EYS: variants seen among roughly 807,000 people sequenced by gnomAD.
The protein encoded by EYS is protein eyes shut homolog.
A neutral mutation model predicts 282.1 loss-of-function variants in EYS; 250 were observed. The observed-to-expected ratio is 0.89, with a 90% CI of 0.80 to 0.98. The LOEUF is 0.98. EYS is among the 50% of genes least tolerant of loss of function. The pLI is 0.00. For missense variants in EYS, 4,016 were observed against 3,709.0 expected (o/e 1.08, Z -2.15); for synonymous variants, 1,355 against 1,282.9 (o/e 1.06, Z -1.20).
At chr6:64,597,140 A>T (rs1255821345) in intron 24 of EYS, among the ~76,000 whole-genome samples, 2 of 152,206 alleles carry the variant, frequency 1.3e-5, no homozygotes, top group Non-Finnish European at 2.9e-5. Context: ...ATCATCAGAG[A>T]AAGGCCAATT....
At chr6:65,486,692 A>T (rs993904862) in intron 5 of EYS, among the ~76,000 whole-genome samples, 1 of 152,224 alleles carries the variant, frequency 6.6e-6, no homozygotes, top group South Asian at 2.1e-4. Context: ...ATAAACTTAC[A>T]TACTAGAGCA....
At chr6:63,799,392 C>T (rs1165819236) in intron 37 of EYS, among the ~76,000 whole-genome samples, 1 of 152,002 alleles carries the variant, frequency 6.6e-6, no homozygotes, top group East Asian at 1.9e-4. Context: ...TTCAATGATT[C>T]AAACAGTGCT....
At chr6:64,975,603 G>T (rs1204121032) in intron 14 of EYS, among the ~76,000 whole-genome samples, 3 of 151,644 alleles carry the variant, frequency 2.0e-5, no homozygotes, top group African/African-American at 4.8e-5. Flanking sequence ...GTGACCATTT[G>T]TTTCAAATAT....
Position 64,896,278 on chromosome 6 carries a change from G to A in EYS, c.2846+5835C>T, listed in dbSNP as rs370579664. 1.4e-4 allele frequency among the ~76,000 whole-genome samples: 21 copies of A among 152,170 alleles called. No individual in the cohort carries two copies. The South Asian group carries it at 2.3e-3, about 17-fold the overall frequency. On this transcript the variant is annotated intron_variant, in intron 18 of 42. Coordinates refer to ENST00000503581, the MANE Select transcript of EYS (RefSeq NM_001142800.2). ...TGGTTAGACAGTGGGTACAGCCCAC[G>A]GAGGGCAAGCAGATGCAGGGTGGGG...
In EYS at chr6:64,886,844, T is replaced by A; in HGVS notation, c.2847-2A>T. 6.7e-7 allele frequency: 1 copy of A among 1,495,066 alleles called. No individual in the cohort carries two copies. Among genetic ancestry groups the A allele is most frequent in the East Asian group, 2.6e-5 (1 of 38,990 alleles). 92.6% of individuals were successfully genotyped at this position (1,495,066 alleles called of 1,614,324 possible). ...TCAGGTTCACAATTACAAAAAAATC[T>A]GGAGAAAAGTGGAGAAATGAGGAAT... On this transcript the variant is annotated splice_acceptor_variant, in intron 18 of 42. Coordinates refer to ENST00000503581, the MANE Select transcript of EYS (RefSeq NM_001142800.2). LOFTEE classifies it high-confidence loss of function.
At chr6:64,883,734 A>G (rs765447291) in intron 19 of EYS, among the ~76,000 whole-genome samples, 1 of 151,570 alleles carries the variant, frequency 6.6e-6, no homozygotes, top group African/African-American at 2.4e-5. Context: ...CTACTGATAA[A>G]CTGATTTATA....
At chr6:65,078,729 T>C (rs905948781) in intron 12 of EYS, among the ~76,000 whole-genome samples, 1 of 151,902 alleles carries the variant, frequency 6.6e-6, no homozygotes, top group Non-Finnish European at 1.5e-5. Flanking sequence ...ATTAAAATAG[T>C]TTGGTTATTT....
chr6:64,898,765 C>T (rs1395291896), intron 18 of EYS, among the ~76,000 whole-genome samples: 2 of 149,422 alleles, frequency 1.3e-5, no homozygotes, highest in Non-Finnish European at 3.0e-5. Context: ...GAATATTTAC[C>T]AACAAATGGA....
chr6:64,366,524 A>C (rs1772185460), intron 29 of EYS, among the ~76,000 whole-genome samples: 1 of 152,024 alleles, frequency 6.6e-6, no homozygotes, highest in Non-Finnish European at 1.5e-5. Flanking sequence ...CAAACAATTT[A>C]TTTTCTGTAC....
chr6:65,128,625 A>C (rs1490510870), intron 12 of EYS, among the ~76,000 whole-genome samples: 1 of 152,060 alleles, frequency 6.6e-6, no homozygotes, highest in East Asian at 1.9e-4. Flanking sequence ...AAGGAAGAGA[A>C]AGAGCTCTTC....
At chr6:63,873,797 G>T (rs935406680) in intron 35 of EYS, among the ~76,000 whole-genome samples, 1 of 152,118 alleles carries the variant, frequency 6.6e-6, no homozygotes, top group Non-Finnish European at 1.5e-5. Context: ...GTCTTCTTTT[G>T]AGAAGTGTCT....
intron 29 of EYS, among the ~76,000 whole-genome samples, chr6:64,347,315 T>G (rs1032272777): frequency 7.3e-5 from 11 of 151,452 alleles, no homozygotes; most frequent in South Asian, 4.1e-4. Context: ...ATATATGATA[T>G]TAAGAAATTA....
At chr6:64,743,500 T>C (rs1031268332) in intron 22 of EYS, among the ~76,000 whole-genome samples, 1 of 152,148 alleles carries the variant, frequency 6.6e-6, no homozygotes, top group Non-Finnish European at 1.5e-5. Context: ...AAGAGCATTC[T>C]TAACTATTGA....
At chr6:65,266,863 TA>T (rs1230138184) in intron 12 of EYS, among the ~76,000 whole-genome samples, 1 of 148,916 alleles carries the variant, frequency 6.7e-6, no homozygotes, top group Admixed American at 6.8e-5. Context: ...ATAGTTGTTA[TA>T]AATACACATC....
At chr6:64,652,420 A>C (rs1237876563) in intron 22 of EYS, among the ~76,000 whole-genome samples, 1 of 152,196 alleles carries the variant, frequency 6.6e-6, no homozygotes, top group African/African-American at 2.4e-5. Flanking sequence ...GATGCATCTA[A>C]GAGCTGAAAG....
chr6:64,596,312 G>T (rs1442659090), intron 24 of EYS, among the ~76,000 whole-genome samples: 1 of 152,046 alleles, frequency 6.6e-6, no homozygotes, highest in Non-Finnish European at 1.5e-5. Context: ...CAGATTCAAA[G>T]AAATCTCTAT....
rs566731447 is a variant in EYS, at chr6:65,438,951, C to A, written c.863-33584G>T. Among the ~76,000 whole-genome samples, 3 of 152,012 alleles carry A rather than the reference C, an allele frequency of 2.0e-5. No individual in the cohort carries two copies. The South Asian group carries it at 6.2e-4, about 32-fold the overall frequency. ...GTCCATGCCTATGTCCTGAATGGTA[C>A]TGCCTAGGTTTTCTTCTAGGGTTTT... On this transcript the variant is annotated intron_variant, in intron 5 of 42. Transcript: ENST00000503581.
At chr6:65,384,628 C>A in intron 7 of EYS, 128 bp from the exon 8 acceptor site, 5 of 612,566 alleles carry the variant, frequency 8.2e-6, no homozygotes, top group South Asian at 7.9e-5. Flanking sequence ...TTTTTTAATA[C>A]ATACCTGTGA....
chr6:64,290,686 G>C (rs967077419), intron 30 of EYS, among the ~76,000 whole-genome samples: 1 of 151,882 alleles, frequency 6.6e-6, no homozygotes, highest in African/African-American at 2.4e-5. Context: ...GAACGAAGGT[G>C]AGGGGAGAAA....
Sources: gnomAD v4.1 joint callset for allele counts (sites outside exome capture counted in the v4.1 genomes callset) on GRCh38, gnomAD v4.1.1 for gene constraint, MANE v1.5 for transcripts, NCBI Gene and HGNC (gene_info 2026-07-23, HGNC 2026-07-21) for gene names.